Variants in RFX3 observed in about 807,000 individuals in gnomAD.
RFX3 encodes regulatory factor X3, also known as transcription factor RFX3.
A neutral mutation model predicts 98.6 loss-of-function variants in RFX3; 14 were observed. The ratio of observed to expected loss-of-function variants is 0.14; its 90% confidence interval spans 0.09 to 0.22. The LOEUF (loss-of-function observed/expected upper bound fraction) is 0.22, where lower values mean the gene tolerates loss of function less well. Among genes scored for constraint, RFX3 ranks in the 10% least tolerant of loss-of-function variants. The pLI is 1.00. For synonymous variants in RFX3, 383 were observed against 328.4 expected (o/e 1.17, Z -1.80); for missense variants, 639 against 926.9 (o/e 0.69, Z 4.03).
chr9:3,429,183 C>T (rs1207421934), intron 1 of RFX3, among the ~76,000 whole-genome samples: 1 of 150,816 alleles, frequency 6.6e-6, no homozygotes, highest in African/African-American at 2.4e-5. Context: ...CCAACACGTC[C>T]GGCTAATTTT....
At chr9:3,329,121 T>C (rs1832274682) in intron 4 of RFX3, among the ~76,000 whole-genome samples, 1 of 152,082 alleles carries the variant, frequency 6.6e-6, no homozygotes, top group South Asian at 2.1e-4. Context: ...ATACATTGTG[T>C]TGGCCGGGCT....
intron 15 of RFX3, chr9:3,247,637 G>C (rs929708017): frequency 1.7e-5 from 23 of 1,357,632 alleles, no homozygotes; most frequent in Middle Eastern, 2.8e-4. Context: ...TTTGTTCTTG[G>C]AGACCGGGAA....
At chr9:3,422,521 G>A (rs571359754) in intron 1 of RFX3, among the ~76,000 whole-genome samples, 1 of 152,188 alleles carries the variant, frequency 6.6e-6, no homozygotes, top group Non-Finnish European at 1.5e-5. Flanking sequence ...TGCCTTATTA[G>A]AAGCAACTCT....
chr9:3,297,355 TTACTC>T (rs565883683), intron 5 of RFX3, among the ~76,000 whole-genome samples: 78 of 152,212 alleles, frequency 5.1e-4, no homozygotes, highest in African/African-American at 1.8e-3. Context: ...TAAAACTTGA[TTACTC>T]TACTTATGAA....
chr9:3,390,706 C>A (rs1034826898), intron 2 of RFX3, among the ~76,000 whole-genome samples: 1 of 152,100 alleles, frequency 6.6e-6, no homozygotes, highest in African/African-American at 2.4e-5. Flanking sequence ...AGTTTCCCTG[C>A]ACAAGCTCTC....
At chr9:3,384,689 A>C (rs1161884717) in intron 2 of RFX3, among the ~76,000 whole-genome samples, 1 of 152,192 alleles carries the variant, frequency 6.6e-6, no homozygotes, top group Non-Finnish European at 1.5e-5. Flanking sequence ...CTATTATTGA[A>C]AACTTAAATA....
chr9:3,350,081 A>G (rs1834927473), intron 2 of RFX3, among the ~76,000 whole-genome samples: 1 of 152,122 alleles, frequency 6.6e-6, no homozygotes, highest in Admixed American at 6.6e-5. Flanking sequence ...TTTAGACATA[A>G]CACCAAAGGT....
At chr9:3,226,174 A>G (rs952986917) in intron 16 of RFX3, among the ~76,000 whole-genome samples, 1 of 152,186 alleles carries the variant, frequency 6.6e-6, no homozygotes, top group African/African-American at 2.4e-5. Flanking sequence ...GCTTGTATAA[A>G]CAGAGTCAGG....
intron 1 of RFX3, among the ~76,000 whole-genome samples, chr9:3,522,337 T>C (rs1238522529): frequency 6.6e-6 from 1 of 152,168 alleles, no homozygotes; most frequent in Non-Finnish European, 1.5e-5. Flanking sequence ...ACCAAAGAGT[T>C]AAAGGCAAAT....
intron 14 of RFX3, among the ~76,000 whole-genome samples, chr9:3,251,294 G>T (rs570514188): frequency 6.6e-6 from 1 of 152,206 alleles, no homozygotes; most frequent in Non-Finnish European, 1.5e-5. Flanking sequence ...TTAACCAGTG[G>T]TAATTTCCGG....
At chr9:3,421,853 C>A (rs1843468840) in intron 1 of RFX3, among the ~76,000 whole-genome samples, 1 of 152,180 alleles carries the variant, frequency 6.6e-6, no homozygotes, top group Non-Finnish European at 1.5e-5. Flanking sequence ...CCTAAGAGAG[C>A]CTATCACAAA....
At chr9:3,284,413 C>G (rs997580689) in intron 7 of RFX3, among the ~76,000 whole-genome samples, 1 of 151,584 alleles carries the variant, frequency 6.6e-6, no homozygotes, top group African/African-American at 2.4e-5. Context: ...TCGTCAAAAA[C>G]TGAAGATTAC....
intron 7 of RFX3, among the ~76,000 whole-genome samples, chr9:3,281,767 G>A (rs1025517202): frequency 2.0e-5 from 3 of 151,790 alleles, no homozygotes; most frequent in African/African-American, 7.2e-5. Context: ...GTTAGTCACA[G>A]CTGCTATTTA....
intron 1 of RFX3, among the ~76,000 whole-genome samples, chr9:3,424,146 C>CA (rs886998685): frequency 8.7e-4 from 124 of 141,924 alleles, no homozygotes; most frequent in African/African-American, 1.1e-3. Flanking sequence ...GACTCCTTCT[C>CA]AAAAAAAAAA....
chr9:3,479,526 G>C (rs1234534935), intron 1 of RFX3, among the ~76,000 whole-genome samples: 1 of 152,070 alleles, frequency 6.6e-6, no homozygotes, highest in African/African-American at 2.4e-5. Flanking sequence ...TGTGAGACAG[G>C]AAAAAATAAA....
intron 2 of RFX3, among the ~76,000 whole-genome samples, chr9:3,365,226 G>C (rs1836914696): frequency 6.7e-6 from 1 of 148,268 alleles, no homozygotes; most frequent in Non-Finnish European, 1.5e-5. Flanking sequence ...CTTGAACCCA[G>C]GAAGTGGAGG....
chr9:3,375,816 T>C (rs565689605), intron 2 of RFX3, among the ~76,000 whole-genome samples: 50 of 152,022 alleles, frequency 3.3e-4, no homozygotes, highest in African/African-American at 6.5e-4. Flanking sequence ...AAAAATTAGC[T>C]AGGCATGGTG....
chr9:3,272,646 C>G (rs1824650561), intron 9 of RFX3, among the ~76,000 whole-genome samples: 1 of 152,132 alleles, frequency 6.6e-6, no homozygotes, highest in Non-Finnish European at 1.5e-5. Context: ...TCAATTGTAG[C>G]TTAGGCACAT....
At chr9:3,241,662 T>C (rs1454739743) in intron 15 of RFX3, among the ~76,000 whole-genome samples, 4 of 152,224 alleles carry the variant, frequency 2.6e-5, no homozygotes, top group African/African-American at 7.2e-5. Flanking sequence ...ATTGTGCTAA[T>C]GTAGATGAGC....
Sources: gnomAD v4.1 joint callset for allele counts (sites outside exome capture counted in the v4.1 genomes callset) on GRCh38, gnomAD v4.1.1 for gene constraint, MANE v1.5 for transcripts, NCBI Gene and HGNC (gene_info 2026-07-23, HGNC 2026-07-21) for gene names.